HERPUD2: variants seen among roughly 807,000 people sequenced by gnomAD.
HERPUD2 encodes homocysteine-responsive endoplasmic reticulum-resident ubiquitin-like domain member 2 protein.
A neutral mutation model predicts 49.9 loss-of-function variants in HERPUD2; 13 were observed. The ratio of observed to expected loss-of-function variants is 0.26; its 90% CI spans 0.17 to 0.41. HERPUD2 has a LOEUF of 0.41. HERPUD2 is among the 10% of genes least tolerant of loss of function. HERPUD2 has a pLI of 1.00. For missense variants in HERPUD2, 449 were observed against 492.2 expected (o/e 0.91, Z 0.83); for synonymous variants, 172 against 171.4 (o/e 1.00, Z -0.03).
At chr7:35,634,907 C>T (rs1298888601) in intron 7 of HERPUD2, among the ~76,000 whole-genome samples, 2 of 152,168 alleles carry the variant, frequency 1.3e-5, no homozygotes, top group African/African-American at 4.8e-5. Flanking sequence ...ACTGAATGAA[C>T]AACTTTTATA....
intron 5 of HERPUD2, among the ~76,000 whole-genome samples, chr7:35,665,005 T>A (rs1038195038): frequency 9.2e-5 from 14 of 152,180 alleles, no homozygotes; most frequent in African/African-American, 3.4e-4. Flanking sequence ...CACCCAGCCT[T>A]ATGAAGTGCC....
chr7:35,645,026 T>C (rs1562669882), intron 5 of HERPUD2, among the ~76,000 whole-genome samples: 1 of 152,204 alleles, frequency 6.6e-6, no homozygotes, highest in Non-Finnish European at 1.5e-5. Context: ...GTCTAGGTTT[T>C]GTTTTAAACT....
intron 5 of HERPUD2, among the ~76,000 whole-genome samples, chr7:35,651,267 G>GC (rs199907717): frequency 0.025 from 3,876 of 152,122 alleles, 88 homozygotes; most frequent in Middle Eastern, 0.058. Context: ...CTGACTGGAG[G>GC]CCCCCCAAGA....
Position 35,694,203 on chromosome 7 carries a change from T to A in HERPUD2, c.128A>T (p.Asn43Ile). 1 of 1,613,964 alleles carries A rather than the reference T, an allele frequency of 6.2e-7. No individual in the cohort carries two copies. The highest frequency in any genetic ancestry group is 8.5e-7 in the Non-Finnish European group (1 of 1,179,978). ...TVGKLKTHLSNVYPSKPLTKD... is the reference protein window; with the variant it reads ...TVGKLKTHLSIVYPSKPLTKD... ...ACTTACTGGTTTGCTAGGGTAAACGTTAGATAGATGCGTTTTTAGTTTCCC... is the reference window on the plus strand; with the variant it reads ...ACTTACTGGTTTGCTAGGGTAAACGATAGATAGATGCGTTTTTAGTTTCCC... Residue 43 changes from asparagine (N) to isoleucine (I), a missense_variant, in exon 2 of 9, where the codon AAC becomes ATC. Physicochemically the swap from Asn to Ile is moderately radical, Grantham distance 149. Transcript: ENST00000311350.
chr7:35,692,070 C>A (rs1786202297), intron 2 of HERPUD2, among the ~76,000 whole-genome samples: 1 of 152,230 alleles, frequency 6.6e-6, no homozygotes. Context: ...CCATGTTAAT[C>A]ATTAATAGGC....
At chr7:35,663,712 G>C (rs1278264435) in intron 5 of HERPUD2, among the ~76,000 whole-genome samples, 1 of 152,048 alleles carries the variant, frequency 6.6e-6, no homozygotes, top group Non-Finnish European at 1.5e-5. Flanking sequence ...CAGAGACTAG[G>C]ACTGCAATCC....
At chr7:35,669,757 T>C (rs781416738) in intron 4 of HERPUD2, among the ~76,000 whole-genome samples, 16 of 152,116 alleles carry the variant, frequency 1.1e-4, no homozygotes, top group Admixed American at 6.6e-5. Flanking sequence ...AATCCAGTCA[T>C]TTTTAAAAAA....
chr7:35,667,183 C>G (rs1359446536), intron 5 of HERPUD2, among the ~76,000 whole-genome samples: 2 of 152,188 alleles, frequency 1.3e-5, no homozygotes, highest in African/African-American at 4.8e-5. Context: ...AAACCTGCAG[C>G]TCAACAAGGT....
intron 2 of HERPUD2, among the ~76,000 whole-genome samples, chr7:35,674,404 T>TATAGAGAGAG (rs1785711309): frequency 2.6e-5 from 1 of 38,130 alleles, no homozygotes. Flanking sequence ...TATATATATA[T>TATAGAGAGAG]AGAGAGAGAG....
chr7:35,654,455 GAAC>G (rs758519843), intron 5 of HERPUD2, among the ~76,000 whole-genome samples: 1 of 151,906 alleles, frequency 6.6e-6, no homozygotes, highest in Admixed American at 6.5e-5. Flanking sequence ...AAGCTATTAT[GAAC>G]AACTACACAC....
At chr7:35,649,229 C>A (rs961133683) in intron 5 of HERPUD2, among the ~76,000 whole-genome samples, 1 of 145,404 alleles carries the variant, frequency 6.9e-6, no homozygotes. Flanking sequence ...CCAGCCTGGG[C>A]GACAGAGCGA....
In HERPUD2 at chr7:35,650,598, T is replaced by C. The variant is rs1041578481; in HGVS notation, c.495-12126A>G. On this transcript the variant is annotated intron_variant, in intron 5 of 8. Transcript: ENST00000311350. ...TCCCTGGAGCTTCACTGAGATCCCC[T>C]GTGCATGAGGGATAACTGATGTATC... Among the ~76,000 whole-genome samples the C allele has an allele frequency of 5.9e-5, 9 of 152,128 alleles. 1 individual carries two copies. Among genetic ancestry groups the C allele is most frequent in the African/African-American group, 1.9e-4 (8 of 41,420 alleles).
intron 2 of HERPUD2, among the ~76,000 whole-genome samples, chr7:35,689,366 T>C (rs192847383): frequency 3.3e-5 from 5 of 152,334 alleles, no homozygotes; most frequent in Admixed American, 3.3e-4. Flanking sequence ...ATTAAAATCT[T>C]ATAAGACAAT....
chr7:35,668,338 C>A (rs1050139492), intron 4 of HERPUD2, among the ~76,000 whole-genome samples: 1 of 152,070 alleles, frequency 6.6e-6, no homozygotes, highest in Non-Finnish European at 1.5e-5. Flanking sequence ...TCTTTTTATT[C>A]TCGTGCTCAT....
intron 5 of HERPUD2, among the ~76,000 whole-genome samples, chr7:35,660,430 C>A (rs1420769804): frequency 6.6e-6 from 1 of 152,130 alleles, no homozygotes; most frequent in African/African-American, 2.4e-5. Context: ...ATTTCTAGTT[C>A]TAGATCCTTG....
chr7:35,637,883 T>C (rs374372902), intron 6 of HERPUD2, among the ~76,000 whole-genome samples: 3 of 152,130 alleles, frequency 2.0e-5, no homozygotes, highest in Admixed American at 1.3e-4. Flanking sequence ...GAATGCAGAA[T>C]GAGTTGAGGA....
chr7:35,652,957 T>C (rs529727474), intron 5 of HERPUD2, among the ~76,000 whole-genome samples: 9 of 151,788 alleles, frequency 5.9e-5, no homozygotes, highest in African/African-American at 2.2e-4. Context: ...AGAAAGAATT[T>C]ATATGTCACC....
At chr7:35,693,579 T>C (rs775824165) in intron 2 of HERPUD2, among the ~76,000 whole-genome samples, 18 of 152,028 alleles carry the variant, frequency 1.2e-4, no homozygotes, top group Non-Finnish European at 2.5e-4. Context: ...AGAAAGGATA[T>C]ATCTCTCACT....
chr7:35,660,456 G>GGTTGAAC (rs1484107992), intron 5 of HERPUD2, among the ~76,000 whole-genome samples: 2 of 152,172 alleles, frequency 1.3e-5, no homozygotes, highest in East Asian at 3.9e-4. Flanking sequence ...TCGCCACACT[G>GGTTGAAC]TCTTCCACAA....
Sources: allele counts gnomAD v4.1 joint callset (sites outside exome capture counted in the v4.1 genomes callset), GRCh38; gene constraint gnomAD v4.1.1; transcripts MANE v1.5; gene names NCBI Gene and HGNC (gene_info 2026-07-23, HGNC 2026-07-21).